EFCAB8: variants seen among roughly 807,000 people sequenced by gnomAD.
The protein encoded by EFCAB8 is EF-hand calcium-binding domain-containing protein 8.
In EFCAB8, 100 loss-of-function variants were observed where a neutral mutation model predicts 116.3. That is an observed-to-expected ratio of 0.86 (90% CI 0.73 to 1.02). The LOEUF (loss-of-function observed/expected upper bound fraction) is 1.02, where lower values mean the gene tolerates loss of function less well. Among genes scored for constraint, EFCAB8 ranks in the 50% least tolerant of loss-of-function variants. The pLI, the probability that EFCAB8 is intolerant of heterozygous loss-of-function variation, is 0.00. For missense variants in EFCAB8, 1,320 were observed against 1,416.9 expected, an observed-to-expected ratio of 0.93 and a Z score of 1.10; for synonymous variants, 558 against 567.9, an observed-to-expected ratio of 0.98 and a Z score of 0.25.
At position 32,917,396 on chromosome 20, in the gene EFCAB8, T is replaced by C; in HGVS notation, c.1952T>C (p.Leu651Pro). The C allele has an allele frequency of 6.4e-7, 1 of 1,551,940 alleles. No homozygotes were observed. The highest frequency in any genetic ancestry group is 8.7e-7 in the Non-Finnish European group (1 of 1,147,016). Residue 651 changes from leucine to proline, a missense_variant, in exon 18 of 27, where the codon CTT (leucine) becomes CCT (proline). Leu to Pro is a moderately conservative substitution (Grantham distance 98, BLOSUM62 -3). Transcript: ENST00000400522. ...ATGGCCAAGTACCGGAACCAGTTCC[T>C]TGGGACCTCCTCCTACAGTGGGGAC... is the stretch of plus-strand genomic sequence containing the variant. The part of the protein sequence containing the change: ...LSMAKYRNQF[L>P]GTSSYSGDIL...
At chr20:32,890,385 T>C (rs969296518) in intron 7 of EFCAB8, among the ~76,000 whole-genome samples, 1 of 152,208 alleles carries the variant, frequency 6.6e-6, no homozygotes, top group Non-Finnish European at 1.5e-5. Context: ...GATCCTCTGT[T>C]AAAAAGACCC....
chr20:32,911,742 C>T (rs1253810932), intron 16 of EFCAB8, 35 bp downstream of exon 16: 1 of 1,543,764 alleles, frequency 6.5e-7, no homozygotes, highest in Non-Finnish European at 8.8e-7. Flanking sequence ...CCAGGGACGG[C>T]CTCTTGGGAA....
chr20:32,909,616 G>C (rs1015520100), intron 14 of EFCAB8, among the ~76,000 whole-genome samples: 1 of 152,042 alleles, frequency 6.6e-6, no homozygotes, highest in African/African-American at 2.4e-5. Context: ...GGTTTGGAAG[G>C]CTCAGTCTCG....
intron 5 of EFCAB8, among the ~76,000 whole-genome samples, chr20:32,879,566 C>T (rs1247827939): frequency 6.6e-6 from 1 of 152,162 alleles, no homozygotes. Flanking sequence ...ACACGGGAGC[C>T]TCTGTAGGAA....
At chr20:32,894,307 G>A (rs528920864) in intron 9 of EFCAB8, among the ~76,000 whole-genome samples, 5 of 152,322 alleles carry the variant, frequency 3.3e-5, no homozygotes, top group South Asian at 2.1e-4. Flanking sequence ...TTGGGGCAGC[G>A]TCCCCTGCTG....
intron 20 of EFCAB8, among the ~76,000 whole-genome samples, chr20:32,928,597 C>CT (rs1987765000): frequency 6.6e-6 from 1 of 151,900 alleles, no homozygotes; most frequent in Non-Finnish European, 1.5e-5. Flanking sequence ...CATTTGTTAG[C>CT]CCCTTTTTTT....
chr20:32,861,345 A>G (rs1984104067), intron 1 of EFCAB8, among the ~76,000 whole-genome samples: 1 of 151,996 alleles, frequency 6.6e-6, no homozygotes, highest in African/African-American at 2.4e-5. Flanking sequence ...CTGGAGTGCA[A>G]TGGCACAATC....
At chr20:32,901,431 A>C (rs1300247690) in intron 11 of EFCAB8, among the ~76,000 whole-genome samples, 2 of 152,222 alleles carry the variant, frequency 1.3e-5, no homozygotes, top group Non-Finnish European at 2.9e-5. Flanking sequence ...ATGGGCTGTG[A>C]GTTGGACAAG....
chr20:32,908,486 C>G, intron 14 of EFCAB8, 74 bp downstream of exon 14: 14 of 1,244,896 alleles, frequency 1.1e-5, no homozygotes, highest in Non-Finnish European at 1.3e-5. Context: ...CATGGGACAC[C>G]CAAGGGGTGG....
intron 3 of EFCAB8, among the ~76,000 whole-genome samples, chr20:32,870,952 A>AGGTTCAAGTGAGACAG (rs1984653624): frequency 6.6e-6 from 1 of 150,540 alleles, no homozygotes; most frequent in Non-Finnish European, 1.5e-5. Flanking sequence ...TCTGCCTCCC[A>AGGTTCAAGTGAGACAG]GGTTCAAGTG....
intron 20 of EFCAB8, among the ~76,000 whole-genome samples, chr20:32,925,629 AGGCGTGAGCCAC>A (rs1311046729): frequency 6.6e-6 from 1 of 152,260 alleles, no homozygotes; most frequent in African/African-American, 2.4e-5. Context: ...TTGGGATTAC[AGGCGTGAGCCAC>A]GGCGCCCAGC....
chr20:32,912,028 A>AC (rs1986949396), intron 16 of EFCAB8, among the ~76,000 whole-genome samples: 1 of 152,076 alleles, frequency 6.6e-6, no homozygotes, highest in Non-Finnish European at 1.5e-5. Context: ...ACCCATGGTC[A>AC]CCCCTATTTG....
intron 9 of EFCAB8, among the ~76,000 whole-genome samples, chr20:32,894,219 C>T (rs1986052851): frequency 6.6e-6 from 1 of 152,210 alleles, no homozygotes; most frequent in Non-Finnish European, 1.5e-5. Flanking sequence ...GGCCACCAAC[C>T]CCCTCTTCCA....
chr20:32,867,037 C>A (rs1305390918), intron 2 of EFCAB8, among the ~76,000 whole-genome samples: 1 of 152,122 alleles, frequency 6.6e-6, no homozygotes, highest in Non-Finnish European at 1.5e-5. Context: ...CCTGCCTCAG[C>A]CTCCTGAGTA....
intron 1 of EFCAB8, among the ~76,000 whole-genome samples, chr20:32,861,231 T>C (rs1209692653): frequency 1.3e-5 from 2 of 152,230 alleles, no homozygotes; most frequent in African/African-American, 4.8e-5. Flanking sequence ...ACAGTGGCCT[T>C]TCACAAAGGA....
At chr20:32,917,226 G>C (rs62207465) in intron 17 of EFCAB8, 75 bp from the exon 18 acceptor site, 63 of 1,202,600 alleles carry the variant, frequency 5.2e-5, no homozygotes, top group Non-Finnish European at 6.8e-5. Flanking sequence ...AATCCTCAAG[G>C]CTCCAGTGCT....
chr20:32,955,162 G>T (rs930998502), intron 23 of EFCAB8, among the ~76,000 whole-genome samples: 32 of 152,126 alleles, frequency 2.1e-4, no homozygotes, highest in Non-Finnish European at 3.7e-4. Context: ...TCCCCCTAAA[G>T]CCAAACCCAG....
intron 20 of EFCAB8, among the ~76,000 whole-genome samples, chr20:32,921,831 CTTTTTT>C (rs11483441): frequency 7.7e-6 from 1 of 130,224 alleles, no homozygotes; most frequent in Non-Finnish European, 1.6e-5. Context: ...TTACCTTATT[CTTTTTT>C]TTTTTTTTTT....
intron 22 of EFCAB8, among the ~76,000 whole-genome samples, chr20:32,940,183 A>C: frequency 6.7e-6 from 1 of 149,048 alleles, no homozygotes; most frequent in East Asian, 2.0e-4. Context: ...CTGAATATGA[A>C]GTTAAGTAAT....
Sources: allele counts gnomAD v4.1 joint callset (sites outside exome capture counted in the v4.1 genomes callset), GRCh38; gene constraint gnomAD v4.1.1; transcripts MANE v1.5; gene names NCBI Gene and HGNC (gene_info 2026-07-23, HGNC 2026-07-21).